Variants in MYZAP observed in about 807,000 individuals in gnomAD.
MYZAP encodes myocardial zonula adherens protein, also known as GRINL1A complex locus upstream.
MYZAP carries 66 observed loss-of-function variants against 69.4 expected under a neutral mutation model. That is an observed-to-expected ratio of 0.95 (90% CI 0.78 to 1.17). The LOEUF (loss-of-function observed/expected upper bound fraction) is 1.17, where lower values mean the gene tolerates loss of function less well. Ranked by LOEUF, MYZAP falls within the 50% of genes most tolerant of loss-of-function variation. The probability of loss-of-function intolerance (pLI) is 0.00; values close to 1 mark genes in which losing one functional copy is unlikely to be tolerated. For missense variants in MYZAP, 611 were observed against 556.2 expected, an observed-to-expected ratio of 1.10 and a Z score of -0.99; for synonymous variants, 256 against 205.9, an observed-to-expected ratio of 1.24 and a Z score of -2.09.
chr15:57,678,731 G>T (rs1048786881), intron 12 of MYZAP, among the ~76,000 whole-genome samples: 4 of 152,134 alleles, frequency 2.6e-5, no homozygotes, highest in African/African-American at 7.2e-5. Context: ...TGGCCCCTGC[G>T]TGCTGTAGGC....
At chr15:57,609,819 C>A (rs1405249418) in intron 2 of MYZAP, among the ~76,000 whole-genome samples, 1 of 152,286 alleles carries the variant, frequency 6.6e-6, no homozygotes, top group African/African-American at 2.4e-5. Context: ...ACAGGCTGAA[C>A]ATTCAAATTA....
chr15:57,636,199 C>T (rs1477779431), intron 8 of MYZAP, among the ~76,000 whole-genome samples: 3 of 150,452 alleles, frequency 2.0e-5, no homozygotes, highest in Non-Finnish European at 3.0e-5. Context: ...ACTGTTATTT[C>T]GGGGCTAATG....
At chr15:57,651,414 A>G (rs2140507403) in intron 10 of MYZAP, among the ~76,000 whole-genome samples, 1 of 152,288 alleles carries the variant, frequency 6.6e-6, no homozygotes, top group South Asian at 2.1e-4. Context: ...GAAAAAAAGG[A>G]CAGCCTAAAG....
At chr15:57,633,527 A>C (rs550455447) in intron 7 of MYZAP, 86 bp from the exon 8 acceptor site, 1 of 1,412,170 alleles carries the variant, frequency 7.1e-7, no homozygotes, top group East Asian at 2.6e-5. Flanking sequence ...AGAAATCGTG[A>C]TCTAGCAAGG....
chr15:57,599,536 G>C (rs775838618), intron 1 of MYZAP: 21 of 1,257,716 alleles, frequency 1.7e-5, no homozygotes, highest in Non-Finnish European at 2.2e-5. Context: ...GTAGGATGCA[G>C]TTCTTCGCAT....
intron 8 of MYZAP, among the ~76,000 whole-genome samples, chr15:57,636,709 C>T (rs919226198): frequency 2.6e-5 from 4 of 152,176 alleles, no homozygotes; most frequent in African/African-American, 9.7e-5. Context: ...TTTTTATGAA[C>T]ATTTTTCAGC....
intron 1 of MYZAP, among the ~76,000 whole-genome samples, chr15:57,600,918 A>G (rs2034369147): frequency 6.6e-6 from 1 of 152,090 alleles, no homozygotes; most frequent in African/African-American, 2.4e-5. Context: ...GTGTCTACAA[A>G]AAATAAAAAA....
rs1053521813 is a variant in MYZAP at position 57,629,802 on chromosome 15, A to C, written c.626A>C (p.Lys209Thr). 5.0e-6 allele frequency: 8 copies of C among 1,613,984 alleles called. No individual in the cohort carries two copies. Among genetic ancestry groups the C allele is most frequent in the African/African-American group, 2.7e-5 (2 of 74,918 alleles). ...YEASMDKLRE[K>T]QRQLEVAQVE... Reference sequence around the variant, plus strand: ...GCATCCATGGACAAGCTGAGGGAAAAGCAGAGGCAGTTGGAGGTAGCGCAA... The same window carrying C: ...GCATCCATGGACAAGCTGAGGGAAACGCAGAGGCAGTTGGAGGTAGCGCAA... The change falls in exon 6 of 13, where the codon AAG becomes ACG. Residue 209 changes from lysine to threonine, a missense_variant. Physicochemically the swap from Lys to Thr is moderately conservative, Grantham distance 78. Coordinates refer to ENST00000267853, the MANE Select transcript of MYZAP (RefSeq NM_001018100.5).
chr15:57,642,309 T>C (rs1306243800), intron 10 of MYZAP, among the ~76,000 whole-genome samples: 1 of 152,246 alleles, frequency 6.6e-6, no homozygotes, highest in African/African-American at 2.4e-5. Flanking sequence ...GCCTTATCAT[T>C]ATGTTGCATA....
At chr15:57,594,612 C>A (rs1391670684) in intron 1 of MYZAP, among the ~76,000 whole-genome samples, 1 of 152,148 alleles carries the variant, frequency 6.6e-6, no homozygotes, top group African/African-American at 2.4e-5. Flanking sequence ...TATCTCATAT[C>A]GCCTAGGTGT....
Position 57,629,698 on chromosome 15 carries a change from A to G in MYZAP, c.526-4A>G, listed in dbSNP as rs374583807. 5 of 1,604,690 alleles carry G rather than the reference A, an allele frequency of 3.1e-6. No individual in the cohort carries two copies. The highest frequency in any genetic ancestry group is 4.2e-6 in the Non-Finnish European group (5 of 1,177,290). The stretch of plus-strand genomic sequence containing the variant: ...TGGTTTTGTTTTTATTTTCATCCTC[A>G]CAGAAAACCCTCGTGGATGTGACTT... On this transcript the variant is annotated splice_polypyrimidine_tract_variant and splice_region_variant and intron_variant, in intron 5 of 12. Coordinates refer to ENST00000267853, the MANE Select transcript of MYZAP (RefSeq NM_001018100.5).
intron 12 of MYZAP, among the ~76,000 whole-genome samples, chr15:57,675,553 C>A (rs2039075641): frequency 6.6e-6 from 1 of 152,098 alleles, no homozygotes; most frequent in Non-Finnish European, 1.5e-5. Flanking sequence ...GTCATCTGTT[C>A]CTCAGTACTG....
At chr15:57,640,335 G>A (rs573872702) in intron 10 of MYZAP, among the ~76,000 whole-genome samples, 6 of 152,164 alleles carry the variant, frequency 3.9e-5, no homozygotes, top group African/African-American at 4.8e-5. Context: ...TAAAAAATCC[G>A]ATTGAAAAAT....
intron 10 of MYZAP, among the ~76,000 whole-genome samples, chr15:57,655,002 A>G (rs1423460232): frequency 6.6e-6 from 1 of 152,190 alleles, no homozygotes; most frequent in African/African-American, 2.4e-5. Flanking sequence ...TTGATGCACT[A>G]AACACTTGTT....
chr15:57,608,027 C>A (rs1409715201), intron 2 of MYZAP, among the ~76,000 whole-genome samples: 1 of 152,226 alleles, frequency 6.6e-6, no homozygotes, highest in Non-Finnish European at 1.5e-5. Context: ...AACTTTGGTT[C>A]CTTTGAAGGG....
chr15:57,604,326 T>C lies in MYZAP; in HGVS notation c.133T>C (p.Cys45Arg), dbSNP rs773347544. ...VPPESPVPEQ[C>R]EKKIERKEQL... is the part of the protein sequence containing the mutation. ...TCCTGAGAGTCCAGTTCCTGAGCAA[T>C]GTGAAAAGAAGATTGAGAGAAAAGA... is the stretch of plus-strand genomic sequence containing the variant. The change falls in exon 2 of 13, where the codon TGT (cysteine) becomes CGT (arginine). Residue 45 changes from cysteine to arginine, a missense_variant. Coordinates refer to ENST00000267853, the MANE Select transcript of MYZAP (RefSeq NM_001018100.5). The C allele has an allele frequency of 3.7e-6, 6 of 1,614,174 alleles. No homozygotes were observed. The highest frequency in any genetic ancestry group is 2.2e-5 in the East Asian group (1 of 44,884).
intron 11 of MYZAP, among the ~76,000 whole-genome samples, chr15:57,671,697 G>A (rs1188461358): frequency 1.3e-5 from 2 of 151,418 alleles, no homozygotes; most frequent in Non-Finnish European, 1.5e-5. Context: ...AAAAATTCAG[G>A]TATTGTACTT....
chr15:57,661,513 A>G lies in MYZAP; in HGVS notation c.1183A>G (p.Ile395Val). 1 of 1,610,246 alleles carries G rather than the reference A, an allele frequency of 6.2e-7. No homozygotes were observed. The highest frequency in any genetic ancestry group is 8.5e-7 in the Non-Finnish European group (1 of 1,178,812). The part of the protein sequence containing the change: ...QLLILQLLEK[I>V]SFLEGENNEL... ...CTTAATACTGCAGCTTTTAGAAAAG[A>G]TATCTTTCTTAGAAGGAGAGGTAAG... is the stretch of plus-strand genomic sequence containing the variant. The change falls in exon 11 of 13, where the codon ATA becomes GTA. Residue 395 changes from isoleucine (I) to valine (V), a missense_variant. Physicochemically the swap from Ile to Val is conservative, Grantham distance 29. Coordinates refer to ENST00000267853, the MANE Select transcript of MYZAP (RefSeq NM_001018100.5).
At chr15:57,656,551 A>C (rs1436133383) in intron 10 of MYZAP, among the ~76,000 whole-genome samples, 1 of 152,182 alleles carries the variant, frequency 6.6e-6, no homozygotes, top group East Asian at 1.9e-4. Flanking sequence ...AGATGTTCCT[A>C]GGAGGCTATC....
Sources: gnomAD v4.1 joint callset for allele counts (sites outside exome capture counted in the v4.1 genomes callset) on GRCh38, gnomAD v4.1.1 for gene constraint, MANE v1.5 for transcripts, NCBI Gene and HGNC (gene_info 2026-07-23, HGNC 2026-07-21) for gene names.